The following RNF8 variants were observed in gnomAD, a reference collection of about 807,000 sequenced individuals.
RNF8 encodes E3 ubiquitin-protein ligase RNF8.
Under a neutral mutation model 59.3 loss-of-function variants are expected in RNF8, and 8 were observed. The observed-to-expected ratio is 0.13, with a 90% confidence interval of 0.08 to 0.24. RNF8 has a LOEUF of 0.24. RNF8 is among the 10% of genes least tolerant of loss of function. The pLI, the probability that RNF8 is intolerant of heterozygous loss-of-function variation, is 1.00. For synonymous variants in RNF8, 162 were observed against 200.0 expected (o/e 0.81, Z 1.60); for missense variants, 406 against 572.6 (o/e 0.71, Z 2.97).
chr6:37,368,127 C>T (rs1489294928), intron 2 of RNF8, among the ~76,000 whole-genome samples: 1 of 152,210 alleles, frequency 6.6e-6, no homozygotes, highest in Non-Finnish European at 1.5e-5. Context: ...TCACTAATAG[C>T]ATTTTTTCTA....
chr6:37,381,417 A>T, intron 7 of RNF8, 63 bp downstream of exon 7: 3 of 1,435,362 alleles, frequency 2.1e-6, no homozygotes, highest in Non-Finnish European at 9.7e-7. Flanking sequence ...AACTTCAACA[A>T]ATATTTTTGG....
intron 1 of RNF8, among the ~76,000 whole-genome samples, chr6:37,354,746 C>T (rs1769049974): frequency 6.9e-6 from 1 of 145,146 alleles, no homozygotes; most frequent in Non-Finnish European, 1.5e-5. Flanking sequence ...TGGCCAGATC[C>T]CGTTTAGGGC....
chr6:37,354,105 CA>C lies in RNF8; in HGVS notation c.-59del, dbSNP rs1488452893. The C allele has an allele frequency of 8.0e-6, 11 of 1,375,748 alleles. No homozygotes were observed. The African/African-American group carries it at 1.1e-4, about 14-fold the overall frequency. The allele number at this position is 1,375,748 out of a possible 1,614,324, so 85.2% of individuals were successfully genotyped here. A position where few individuals can be genotyped will look rare whatever the true frequency, so the allele number is the denominator to read the frequency against. On this transcript the variant is annotated 5_prime_UTR_variant, in exon 1 of 8. It introduces an in-frame stop codon into an upstream open reading frame of the 5' UTR. Coordinates refer to ENST00000373479, the MANE Select transcript of RNF8 (RefSeq NM_003958.4). ...TGGAAGCTGAGGGGATGCACAGAGG[CA>C]GCCAGAACCTAGGTCAGGGTCTCGC...
intron 5 of RNF8, among the ~76,000 whole-genome samples, chr6:37,375,961 A>G (rs930198585): frequency 6.6e-6 from 1 of 152,174 alleles, no homozygotes; most frequent in Non-Finnish European, 1.5e-5. Context: ...GGGAGATGGT[A>G]CTGCAGGCCT....
Position 37,374,656 on chromosome 6 carries a change from A to C in RNF8, c.1075A>C (p.Lys359Gln). ...AATGGAAGAGCTAAATCGCAGCAAG[A>C]AGGACTTTGAAGCAATCATTCAAGC... Reference protein sequence around the residue: ...ALMEELNRSKKDFEAIIQAKN... With the variant: ...ALMEELNRSKQDFEAIIQAKN... The change falls in exon 5 of 8, where the codon AAG becomes CAG. Residue 359 changes from lysine (K) to glutamine (Q), a missense_variant. This residue lies in a region of RNF8 where 285 missense variants were observed against 342.0 expected (regional missense o/e 0.83). Transcript: ENST00000373479. The C allele has an allele frequency of 6.2e-7, 1 of 1,614,158 alleles. No homozygotes were observed. The highest frequency in any genetic ancestry group is 8.5e-7 in the Non-Finnish European group (1 of 1,180,006).
chr6:37,383,095 A>G (rs1770344867), intron 7 of RNF8, among the ~76,000 whole-genome samples: 1 of 152,198 alleles, frequency 6.6e-6, no homozygotes, highest in African/African-American at 2.4e-5. Flanking sequence ...TCCAAAGGCT[A>G]AAGAGGGTGT....
chr6:37,385,794 C>G (rs948566633), intron 7 of RNF8, among the ~76,000 whole-genome samples: 3 of 151,468 alleles, frequency 2.0e-5, no homozygotes, highest in African/African-American at 7.3e-5. Context: ...CTTTTGTGTC[C>G]TAGTATCCTT....
At position 37,391,751 on chromosome 6, in the gene RNF8, C is replaced by T. The variant is rs1770732050; in HGVS notation, c.*993C>T. On this transcript the variant is annotated 3_prime_UTR_variant, in exon 8 of 8. Coordinates refer to ENST00000373479, the MANE Select transcript of RNF8 (RefSeq NM_003958.4). ...CACTGCAACCTCCACCTCCCAGACTCAAGCCATCCTCCCACCTCAACCTCC... is the reference window on the plus strand; with the variant it reads ...CACTGCAACCTCCACCTCCCAGACTTAAGCCATCCTCCCACCTCAACCTCC... 1 of 152,282 alleles carries T rather than the reference C, an allele frequency of 6.6e-6. No individual in the cohort carries two copies. Among genetic ancestry groups the T allele is most frequent in the African/African-American group, 2.4e-5 (1 of 41,460 alleles). The allele number at this position is 152,282 out of a possible 1,614,324, so 9.4% of individuals were successfully genotyped here. A position where few individuals can be genotyped will look rare whatever the true frequency, so the allele number is the denominator to read the frequency against.
At chr6:37,379,905 T>A (rs1236335649) in intron 6 of RNF8, among the ~76,000 whole-genome samples, 1 of 152,118 alleles carries the variant, frequency 6.6e-6, no homozygotes, top group East Asian at 1.9e-4. Flanking sequence ...TTTTATTGTT[T>A]GTTTTTGTTT....
At chr6:37,385,255 C>T (rs1448339780) in intron 7 of RNF8, among the ~76,000 whole-genome samples, 3 of 151,298 alleles carry the variant, frequency 2.0e-5, no homozygotes, top group African/African-American at 4.8e-5. Flanking sequence ...TCAGGTGATC[C>T]GCCCACCTCT....
At chr6:37,376,450 A>G (rs1179520720) in intron 5 of RNF8, among the ~76,000 whole-genome samples, 1 of 152,230 alleles carries the variant, frequency 6.6e-6, no homozygotes, top group Non-Finnish European at 1.5e-5. Context: ...TCCAAGATCA[A>G]GATGCTGGCA....
intron 2 of RNF8, among the ~76,000 whole-genome samples, chr6:37,367,892 T>C (rs1032852592): frequency 1.3e-5 from 2 of 152,220 alleles, no homozygotes; most frequent in African/African-American, 4.8e-5. Flanking sequence ...AACCCACATC[T>C]GAGTCCAGAG....
chr6:37,366,920 A>G (rs1323509525), intron 2 of RNF8, among the ~76,000 whole-genome samples: 1 of 152,236 alleles, frequency 6.6e-6, no homozygotes, highest in African/African-American at 2.4e-5. Context: ...TCCCATAGCT[A>G]TCCCAGCTGC....
rs986802450 is a variant in RNF8 at position 37,392,299 on chromosome 6, T to C, written c.*1541T>C. On this transcript the variant is annotated 3_prime_UTR_variant, in exon 8 of 8. Coordinates refer to ENST00000373479, the MANE Select transcript of RNF8 (RefSeq NM_003958.4). ...TAGATTGCATGGGTATATGTCAATT[T>C]TTATATGTTCTGTGTTTAGTTTACA... The C allele has an allele frequency of 5.0e-6, 2 of 397,084 alleles. No homozygotes were observed. The highest frequency in any genetic ancestry group is 4.4e-6 in the Non-Finnish European group (1 of 225,592). The allele number at this position is 397,084 out of a possible 1,614,324, so 24.6% of individuals were successfully genotyped here. A position where few individuals can be genotyped will look rare whatever the true frequency, so the allele number is the denominator to read the frequency against.
chr6:37,354,372 C>A, intron 1 of RNF8, 97 bp downstream of exon 1: 1 of 932,356 alleles, frequency 1.1e-6, no homozygotes, highest in Non-Finnish European at 1.6e-6. Flanking sequence ...GAATGAATGG[C>A]AGAGAGGAGG....
intron 7 of RNF8, among the ~76,000 whole-genome samples, chr6:37,382,013 C>A (rs558955657): frequency 1.4e-4 from 21 of 152,280 alleles, no homozygotes; most frequent in Admixed American, 9.1e-4. Flanking sequence ...TTTAAGCCCC[C>A]ACAGATTTTC....
intron 2 of RNF8, chr6:37,361,269 T>C: frequency 2.2e-6 from 1 of 454,676 alleles, no homozygotes; most frequent in Non-Finnish European, 4.4e-6. Context: ...AATTCTGGGT[T>C]ATAGTGTGCT....
chr6:37,358,136 A>G (rs1319972627), intron 1 of RNF8, among the ~76,000 whole-genome samples: 1 of 152,172 alleles, frequency 6.6e-6, no homozygotes, highest in Non-Finnish European at 1.5e-5. Context: ...CAGAGGGGCT[A>G]AGTGAAAAGA....
At chr6:37,355,263 A>G (rs3778014) in intron 1 of RNF8, among the ~76,000 whole-genome samples, 4,494 of 152,244 alleles carry the variant, frequency 0.03, 162 homozygotes, top group East Asian at 0.1. Flanking sequence ...GGTTTTGGAA[A>G]TAATCTGTAT....
Sources: gnomAD v4.1 joint callset for allele counts (sites outside exome capture counted in the v4.1 genomes callset) on GRCh38, gnomAD v4.1.1 for gene constraint, gnomAD v4.1.1 regional missense constraint, MANE v1.5 for transcripts, NCBI Gene and HGNC (gene_info 2026-07-23, HGNC 2026-07-21) for gene names.